The following GLP2R variants were observed in gnomAD, a reference collection of about 807,000 sequenced individuals.
GLP2R encodes glucagon like peptide 2 receptor.
GLP2R carries 59 observed loss-of-function variants against 68.2 expected under a neutral mutation model. The observed-to-expected ratio is 0.87, with a 90% CI of 0.70 to 1.07. The LOEUF is 1.07. Ranked by LOEUF, GLP2R falls within the 50% of genes least tolerant of loss-of-function variation. The pLI, the probability that GLP2R is intolerant of heterozygous loss-of-function variation, is 0.00. For missense variants in GLP2R, 548 were observed against 677.4 expected, an observed-to-expected ratio of 0.81 and a Z score of 2.12; for synonymous variants, 270 against 265.4, an observed-to-expected ratio of 1.02 and a Z score of -0.17.
At chr17:9,834,642 G>A (rs987364317) in intron 2 of GLP2R, 4 of 152,288 alleles carry the variant, frequency 2.6e-5, no homozygotes, top group African/African-American at 4.8e-5. Context: ...GACAATCCCC[G>A]GCTCCGGCTG....
intron 5 of GLP2R, among the ~76,000 whole-genome samples, chr17:9,855,957 C>T (rs946081426): frequency 2.6e-5 from 4 of 152,128 alleles, no homozygotes; most frequent in African/African-American, 4.8e-5. Context: ...GGAATGTAAG[C>T]GGATATAATG....
intron 4 of GLP2R, among the ~76,000 whole-genome samples, chr17:9,849,431 T>C (rs563678058): frequency 6.6e-6 from 1 of 152,030 alleles, no homozygotes; most frequent in Non-Finnish European, 1.5e-5. Flanking sequence ...ACATGGCCTA[T>C]TTCATCCATA....
chr17:9,852,935 C>T, intron 4 of GLP2R: 2 of 493,756 alleles, frequency 4.1e-6, no homozygotes, highest in East Asian at 4.6e-5. Flanking sequence ...TTCTTCTCCT[C>T]TTCATCTTCT....
intron 4 of GLP2R, among the ~76,000 whole-genome samples, chr17:9,852,544 A>T (rs1340664820): frequency 6.6e-6 from 1 of 152,226 alleles, no homozygotes; most frequent in Admixed American, 6.5e-5. Context: ...TAGGAAAAAA[A>T]CCTCAGCAAA....
chr17:9,867,796 C>T (rs997835448), intron 9 of GLP2R, among the ~76,000 whole-genome samples: 8 of 152,174 alleles, frequency 5.3e-5, no homozygotes, highest in African/African-American at 1.9e-4. Flanking sequence ...AGTCAAAAGC[C>T]TGCATTTGCT....
Position 9,844,668 on chromosome 17 carries a change from C to CTTTTTTTTTTTTTTTTTT in GLP2R, c.504+2073_504+2090dup, listed in dbSNP as rs71139004. ...ATTCTCAATATTTTACTACCTAATTCTTTTTTTTTTTTTTTTTTTTTTTTT... is the reference window on the plus strand; with the variant it reads ...ATTCTCAATATTTTACTACCTAATTCTTTTTTTTTTTTTTTTTTTTTTTTTTTTTTTTTTTTTTTTTTT... On this transcript the variant is annotated intron_variant, in intron 4 of 12. Coordinates refer to ENST00000262441, the MANE Select transcript of GLP2R (RefSeq NM_004246.3). Among the ~76,000 whole-genome samples the CTTTTTTTTTTTTTTTTTT allele has an allele frequency of 9.3e-4, 41 of 44,312 alleles. 14 individuals are homozygous for CTTTTTTTTTTTTTTTTTT. The highest frequency in any genetic ancestry group is 1.6e-3 in the Non-Finnish European group (35 of 21,398). The allele number at this position is 44,312 out of a possible 152,430, so 29.1% of individuals were successfully genotyped here. A position where few individuals can be genotyped will look rare whatever the true frequency, so the allele number is the denominator to read the frequency against.
At chr17:9,836,535 C>A in intron 3 of GLP2R, 60 bp downstream of exon 3, 2 of 921,214 alleles carry the variant, frequency 2.2e-6, no homozygotes, top group Non-Finnish European at 3.6e-6. Flanking sequence ...AGTCCTCTTC[C>A]CCCACAAACA....
intron 4 of GLP2R, among the ~76,000 whole-genome samples, chr17:9,845,828 A>G (rs1305738277): frequency 6.6e-6 from 1 of 152,004 alleles, no homozygotes; most frequent in East Asian, 1.9e-4. Context: ...TTAAGTTATT[A>G]AGGTCAATGC....
At chr17:9,831,755 T>A (rs1269030453) in intron 1 of GLP2R, among the ~76,000 whole-genome samples, 1 of 152,088 alleles carries the variant, frequency 6.6e-6, no homozygotes, top group African/African-American at 2.4e-5. Context: ...CTCCTGTCAC[T>A]GTGGAGCAGT....
intron 4 of GLP2R, among the ~76,000 whole-genome samples, chr17:9,850,014 G>A (rs1405230766): frequency 6.6e-6 from 1 of 152,184 alleles, no homozygotes; most frequent in Non-Finnish European, 1.5e-5. Flanking sequence ...ATTTCTAGAA[G>A]TGGGATCACT....
chr17:9,858,900 T>C (rs1016652286), intron 6 of GLP2R, among the ~76,000 whole-genome samples: 2 of 152,244 alleles, frequency 1.3e-5, no homozygotes, highest in Non-Finnish European at 2.9e-5. Context: ...CTCAACTTTA[T>C]TGGACTTTTC....
chr17:9,833,271 A>AG (rs547567659), intron 1 of GLP2R, among the ~76,000 whole-genome samples: 2 of 151,768 alleles, frequency 1.3e-5, no homozygotes, highest in Non-Finnish European at 2.9e-5. Context: ...TTAAAAAAAA[A>AG]AAAGAAAGAA....
In GLP2R at chr17:9,859,882, C is replaced by T. The variant is rs6503255; in HGVS notation, c.766-60C>T. 18,766 of 1,334,964 alleles carry T rather than the reference C, an allele frequency of 0.014. 2,143 individuals are homozygous for T. In the African/African-American group the frequency reaches 0.24, roughly 17 times the overall value. The allele number at this position is 1,334,964 out of a possible 1,614,324, so 82.7% of individuals were successfully genotyped here. A position where few individuals can be genotyped will look rare whatever the true frequency, so the allele number is the denominator to read the frequency against. On this transcript the variant is annotated intron_variant, in intron 6 of 12. Transcript: ENST00000262441. ...TTGTCTCTGGGAGGCCCTTCTCCCC[C>T]GACTCGGGATCAGATGCAGGGGAGC...
chr17:9,889,337 A>C (rs762453746), intron 12 of GLP2R, 33 bp from the exon 13 acceptor site: 1 of 1,483,896 alleles, frequency 6.7e-7, no homozygotes, highest in South Asian at 1.2e-5. Flanking sequence ...AATGACTCCA[A>C]GACAGTAACC....
At chr17:9,867,733 T>C (rs1226242631) in intron 9 of GLP2R, among the ~76,000 whole-genome samples, 1 of 152,206 alleles carries the variant, frequency 6.6e-6, no homozygotes, top group Non-Finnish European at 1.5e-5. Context: ...GTGAAATGGC[T>C]GTTTTGAGCT....
chr17:9,871,343 CAAAA>C (rs34449375), intron 10 of GLP2R, among the ~76,000 whole-genome samples: 3 of 95,746 alleles, frequency 3.1e-5, no homozygotes, highest in African/African-American at 3.8e-5. Context: ...GACCCTGTCT[CAAAA>C]AAAAAAAAAA....
intron 9 of GLP2R, among the ~76,000 whole-genome samples, chr17:9,867,669 A>G (rs1289864522): frequency 6.6e-6 from 1 of 152,230 alleles, no homozygotes; most frequent in Non-Finnish European, 1.5e-5. Flanking sequence ...GACAATAATT[A>G]CATCATGCAA....
chr17:9,887,598 G>T (rs1202244326), intron 11 of GLP2R, among the ~76,000 whole-genome samples: 2 of 152,126 alleles, frequency 1.3e-5, no homozygotes, highest in African/African-American at 4.8e-5. Flanking sequence ...CAGTGACCTT[G>T]CCCAATATTT....
intron 4 of GLP2R, among the ~76,000 whole-genome samples, chr17:9,844,414 G>A (rs935532192): frequency 1.1e-4 from 16 of 152,078 alleles, no homozygotes; most frequent in South Asian, 2.1e-4. Context: ...GGCAGGAACC[G>A]TGGCAGCAAC....
Sources: gnomAD v4.1 joint callset for allele counts (sites outside exome capture counted in the v4.1 genomes callset) on GRCh38, gnomAD v4.1.1 for gene constraint, MANE v1.5 for transcripts, NCBI Gene and HGNC (gene_info 2026-07-23, HGNC 2026-07-21) for gene names.